Variants in TRMT2B observed in about 807,000 individuals in gnomAD.
TRMT2B encodes tRNA (uracil-5-)-methyltransferase homolog B.
In TRMT2B, 34 loss-of-function variants were observed where a neutral mutation model predicts 39.7. That is an observed-to-expected ratio of 0.86 (90% confidence interval 0.65 to 1.14). The LOEUF (loss-of-function observed/expected upper bound fraction) is 1.14, where lower values mean the gene tolerates loss of function less well. Ranked by LOEUF, TRMT2B falls within the 50% of genes most tolerant of loss-of-function variation. TRMT2B has a pLI of 0.00. For missense variants in TRMT2B, 318 were observed against 377.2 expected, an observed-to-expected ratio of 0.84 and a Z score of 1.30; for synonymous variants, 132 against 137.3, an observed-to-expected ratio of 0.96 and a Z score of 0.27.
the TRMT2B span, among the ~76,000 whole-genome samples, chrX:100,973,440 C>T: frequency 1.9e-5 from 2 of 107,067 alleles, no homozygotes; most frequent in Admixed American, 9.9e-5. Flanking sequence ...CTCGCCGGCG[C>T]GGCGGCAAAG....
chrX:101,036,253 C>T (rs750424106), intron 6 of TRMT2B, among the ~76,000 whole-genome samples: 1 of 110,259 alleles, frequency 9.1e-6, no homozygotes, highest in East Asian at 2.9e-4. Context: ...CAAGACCAGC[C>T]TGGCCAACAT....
In TRMT2B at chrX:101,030,454, C is replaced by CTTTTTTTTTTTTTTTTT. The variant is rs1331923176; in HGVS notation, c.609+5158_609+5159insAAAAAAAAAAAAAAAAA. The stretch of plus-strand genomic sequence containing the variant: ...GGAAAAGCCTATATAGATCTGCATT[C>CTTTTTTTTTTTTTTTTT]TTTTTTTTTTTTTTCAGATGGAGTC... On this transcript the variant is annotated intron_variant, in intron 7 of 13. Transcript: ENST00000372936. Among the ~76,000 whole-genome samples, 207 of 71,784 alleles carry CTTTTTTTTTTTTTTTTT rather than the reference C, an allele frequency of 2.9e-3. 21 individuals carry two copies. The highest frequency in any genetic ancestry group is 3.4e-3 in the Non-Finnish European group (136 of 39,710). 62.3% of individuals were successfully genotyped at this position (71,784 alleles called of 115,157 possible).
the TRMT2B span, among the ~76,000 whole-genome samples, chrX:101,001,192 C>G: frequency 9.0e-6 from 1 of 110,805 alleles, no homozygotes; most frequent in African/African-American, 3.3e-5. Context: ...CTAAGACCCT[C>G]CCCAAACCAA....
chrX:100,974,801 CCAAT>C, the TRMT2B span, among the ~76,000 whole-genome samples: 1 of 111,849 alleles, frequency 8.9e-6, no homozygotes, highest in East Asian at 2.8e-4. Context: ...TTATTAAGGA[CCAAT>C]CAAAGAAGCC....
chrX:100,999,333 C>A, the TRMT2B span, among the ~76,000 whole-genome samples: 4 of 112,638 alleles, frequency 3.6e-5, no homozygotes, highest in Admixed American at 2.8e-4. Context: ...TCCTTTTGCA[C>A]TAACATTAAT....
the TRMT2B span, among the ~76,000 whole-genome samples, chrX:100,981,682 GC>G: frequency 4.6e-5 from 5 of 107,627 alleles, no homozygotes; most frequent in Non-Finnish European, 9.6e-5. Context: ...GGTGACACAT[GC>G]CTGTAATCCC....
downstream of TRMT2B, among the ~76,000 whole-genome samples, chrX:101,007,659 A>G (rs1386121967): frequency 9.0e-6 from 1 of 111,654 alleles, no homozygotes; most frequent in Non-Finnish European, 1.9e-5. Flanking sequence ...GTGTCTCAAA[A>G]TTACTAACTA....
chrX:101,048,096 T>C (rs753648782), intron 2 of TRMT2B, among the ~76,000 whole-genome samples: 19 of 90,456 alleles, frequency 2.1e-4, no homozygotes, highest in Middle Eastern at 5.7e-3. Flanking sequence ...TAATTCAGAA[T>C]TTTACATTTA....
At chrX:101,035,437 T>C (rs938195541) in intron 7 of TRMT2B, among the ~76,000 whole-genome samples, 176 bp downstream of exon 7, 1 of 112,117 alleles carries the variant, frequency 8.9e-6, no homozygotes, top group Non-Finnish European at 1.9e-5. Context: ...CTCTCCACTC[T>C]TTCTGAAATG....
Position 101,042,064 on chromosome X carries a change from G to A in TRMT2B, c.226C>T (p.Leu76=), listed in dbSNP as rs745638095. ...SQKKPSHLGP[L]DGSWQERLAD... is the part of the protein sequence containing the mutation. ...TACCTTTCCTGCCAGGAACCATCTA[G>A]TGGTCCAAGATGGCTTGGTTTCTTC... is the stretch of plus-strand genomic sequence containing the variant. The change falls in exon 3 of 14, where the codon CTA becomes TTA. Residue 76 remains leucine (L), a synonymous_variant. Transcript: ENST00000372936. 5.8e-6 allele frequency: 7 copies of A among 1,212,029 alleles called. No homozygotes were observed. Among genetic ancestry groups the A allele is most frequent in the Non-Finnish European group, 7.8e-6 (7 of 895,533 alleles).
At chrX:100,979,357 C>T in the TRMT2B span, among the ~76,000 whole-genome samples, 1 of 111,860 alleles carries the variant, frequency 8.9e-6, no homozygotes, top group East Asian at 2.8e-4. Flanking sequence ...CTGGGAAATA[C>T]TTTATTTCTC....
At chrX:101,001,824 CAAAAAAA>C in the TRMT2B span, among the ~76,000 whole-genome samples, 14,960 of 59,850 alleles carry the variant, frequency 0.25, 1,116 homozygotes, top group Middle Eastern at 0.33. Context: ...AAGTGATATT[CAAAAAAA>C]AAAAAAAAAA....
the TRMT2B span, among the ~76,000 whole-genome samples, chrX:100,976,207 G>C: frequency 9.1e-6 from 1 of 109,365 alleles, no homozygotes; most frequent in Admixed American, 9.8e-5. Flanking sequence ...CTTTAGTCTC[G>C]GTGGGCCCTA....
At chrX:100,975,026 C>A in the TRMT2B span, among the ~76,000 whole-genome samples, 37 of 111,767 alleles carry the variant, frequency 3.3e-4, no homozygotes, top group African/African-American at 1.0e-3. Flanking sequence ...TTTGTCCCCC[C>A]CAGTATTCAA....
the TRMT2B span, among the ~76,000 whole-genome samples, chrX:100,997,353 C>A: frequency 2.7e-5 from 3 of 112,202 alleles, no homozygotes; most frequent in East Asian, 8.3e-4. Context: ...CTAACGGTAG[C>A]ATCTCATCTT....
intron 11 of TRMT2B, among the ~76,000 whole-genome samples, chrX:101,019,703 G>C (rs923024785): frequency 9.4e-6 from 1 of 106,692 alleles, no homozygotes; most frequent in Non-Finnish European, 1.9e-5. Flanking sequence ...GTGCGATCTC[G>C]GCACACTGCA....
chrX:101,047,607 G>A (rs936017234), intron 2 of TRMT2B, among the ~76,000 whole-genome samples: 10 of 110,190 alleles, frequency 9.1e-5, no homozygotes, highest in Non-Finnish European at 1.1e-4. Context: ...CAAGGTAGGC[G>A]GATCACCTGA....
chrX:101,026,584 T>C (rs2087107630), intron 7 of TRMT2B, among the ~76,000 whole-genome samples: 1 of 111,128 alleles, frequency 9.0e-6, no homozygotes, highest in Non-Finnish European at 1.9e-5. Context: ...CTCCACTGTA[T>C]GACCTAGGGT....
intron 13 of TRMT2B, among the ~76,000 whole-genome samples, chrX:101,013,111 G>A (rs1216468302): frequency 7.2e-5 from 8 of 111,621 alleles, no homozygotes; most frequent in South Asian, 3.7e-4. Context: ...GTGAGCCACC[G>A]CGCCCGGTCA....
Sources: allele counts gnomAD v4.1 joint callset (sites outside exome capture counted in the v4.1 genomes callset), GRCh38; gene constraint gnomAD v4.1.1; transcripts MANE v1.5; gene names NCBI Gene and HGNC (gene_info 2026-07-23, HGNC 2026-07-21).